Variants in PFKFB2 observed in about 807,000 individuals in gnomAD.
The protein encoded by PFKFB2 is 6-phosphofructo-2-kinase/fructose-2,6-biphosphatase 2, also known as 6-phosphofructo-2-kinase/fructose-2,6-bisphosphatase 2.
Under a neutral mutation model 68.0 loss-of-function variants are expected in PFKFB2, and 53 were observed. The ratio of observed to expected loss-of-function variants is 0.78; its 90% CI spans 0.63 to 0.98. The LOEUF (loss-of-function observed/expected upper bound fraction) is 0.98. Ranked by LOEUF, PFKFB2 falls within the 50% of genes least tolerant of loss-of-function variation. The pLI is 0.00. For missense variants in PFKFB2, 451 were observed against 642.0 expected (o/e 0.70, Z 3.22); for synonymous variants, 222 against 227.6 (o/e 0.98, Z 0.22).
intron 2 of PFKFB2, among the ~76,000 whole-genome samples, chr1:207,057,302 C>CAAAAAAAAAAAA (rs748726221): frequency 1.2e-4 from 5 of 40,390 alleles, no homozygotes; most frequent in Non-Finnish European, 2.0e-4. Context: ...AAAAAAACTA[C>CAAAAAAAAAAAA]AAAAAAAAAA....
chr1:207,050,342 T>G (rs530312345), upstream of PFKFB2, among the ~76,000 whole-genome samples: 4 of 151,928 alleles, frequency 2.6e-5, no homozygotes, highest in Admixed American at 2.6e-4. Flanking sequence ...ATCGGTGATA[T>G]AGGGAAAAAG....
rs1212514620 is a variant in PFKFB2, at chr1:207,076,262, T to C, written c.*3891T>C. 5.1e-6 allele frequency: 5 copies of C among 979,602 alleles called. No individual in the cohort carries two copies. The African/African-American group carries it at 5.3e-5, about 10-fold the overall frequency. The allele number at this position is 979,602 out of a possible 1,614,324, so 60.7% of individuals were successfully genotyped here. On this transcript the variant is annotated 3_prime_UTR_variant, in exon 15 of 15. Coordinates refer to ENST00000367080, the MANE Select transcript of PFKFB2 (RefSeq NM_006212.2). ...TGTTACTTTTTTTTTCTTTTTTTTT[T>C]TTTTTTATGAGCAGGAGATCTTAAT...
At chr1:207,048,267 C>T (rs2054780) in intron 2 of PFKFB2, 18,335 of 152,600 alleles carry the variant, frequency 0.12, 1,192 homozygotes, top group Admixed American at 0.2. Flanking sequence ...ATACATTCTA[C>T]GTTTTATATG....
At chr1:207,042,540 T>A in intron 2 of PFKFB2, among the ~76,000 whole-genome samples, 1 of 70,422 alleles carries the variant, frequency 1.4e-5, no homozygotes, top group Non-Finnish European at 2.6e-5. Context: ...ACAGCAACAC[T>A]CTGTCTCACA....
intron 8 of PFKFB2, among the ~76,000 whole-genome samples, chr1:207,065,544 G>T (rs1054954606): frequency 2.0e-5 from 3 of 151,126 alleles, no homozygotes; most frequent in Non-Finnish European, 2.9e-5. Flanking sequence ...TAAAGATAGA[G>T]TTTCCCCATG....
chr1:207,054,823 G>C, intron 2 of PFKFB2, 21 bp downstream of exon 2: 3 of 1,543,786 alleles, frequency 1.9e-6, no homozygotes, highest in South Asian at 2.3e-5. Context: ...GCAGAGAGGA[G>C]GGACTGCTCT....
In PFKFB2 at chr1:207,045,122, GTA is replaced by G. The variant is rs879818403; in HGVS notation, c.-18+2914_-18+2915del. 39 of 152,394 alleles carry G rather than the reference GTA, an allele frequency of 2.6e-4. No individual in the cohort carries two copies. The Admixed American group carries it at 2.6e-3, about 10-fold the overall frequency. The allele number at this position is 152,394 out of a possible 1,614,324, so 9.4% of individuals were successfully genotyped here. Reference sequence around the variant, plus strand: ...CTTTGGACTTAAAATGATGCCACTTGTATATGACACGTTTAAGGCCTCTGACT... The same window carrying G: ...CTTTGGACTTAAAATGATGCCACTTGTATGACACGTTTAAGGCCTCTGACT... On this transcript the variant is annotated intron_variant, in intron 2 of 5. Coordinates refer to the PFKFB2 transcript ENST00000545806.
At chr1:207,062,173 G>T in intron 3 of PFKFB2, 95 bp downstream of exon 3, 1 of 1,521,970 alleles carries the variant, frequency 6.6e-7, no homozygotes. Context: ...AATGCTATAG[G>T]GTGCTTTTGG....
chr1:207,050,778 C>A (rs568508283), upstream of PFKFB2: 132 of 1,613,320 alleles, frequency 8.2e-5, no homozygotes, highest in Non-Finnish European at 9.7e-5. Context: ...CGCTGACCGC[C>A]GGGGGCGATC....
downstream of PFKFB2, chr1:207,080,708 T>TTTTG (rs985586463): frequency 7.1e-6 from 1 of 139,910 alleles, no homozygotes; most frequent in Non-Finnish European, 1.5e-5. Context: ...TCAGGTTTTT[T>TTTTG]TTTGTTTGTT....
rs556678775 is a variant in PFKFB2, at chr1:207,066,074, T to G, written c.632+914T>G. 2.6e-5 allele frequency among the ~76,000 whole-genome samples: 4 copies of G among 152,358 alleles called. No individual in the cohort carries two copies. In the East Asian group the frequency reaches 7.7e-4, roughly 29 times the overall value. ...CATATTGCATATTTTTATATCTATC[T>G]CTCTCTATATATAACATGCAAAGCC... On this transcript the variant is annotated intron_variant, in intron 8 of 14. Transcript: ENST00000367080.
At chr1:207,079,610 T>C (rs1388070138), downstream of PFKFB2, 2 of 152,666 alleles carry the variant, frequency 1.3e-5, no homozygotes, top group Non-Finnish European at 2.9e-5. Context: ...CCTTTTCATT[T>C]AGAGAAGTTT....
intron 7 of PFKFB2, among the ~76,000 whole-genome samples, chr1:207,064,790 G>A (rs564940794): frequency 2.6e-5 from 4 of 151,008 alleles, no homozygotes; most frequent in South Asian, 2.1e-4. Context: ...CTTTGGCTGC[G>A]TGACTGCCTC....
intron 10 of PFKFB2, among the ~76,000 whole-genome samples, chr1:207,069,040 C>T (rs140513718): frequency 1.1e-4 from 17 of 152,284 alleles, no homozygotes; most frequent in Non-Finnish European, 1.9e-4. Flanking sequence ...CCACCGTGCC[C>T]GGCCGACATT....
At chr1:207,064,162 A>T (rs1263007961) in intron 7 of PFKFB2, among the ~76,000 whole-genome samples, 3 of 152,058 alleles carry the variant, frequency 2.0e-5, no homozygotes, top group Non-Finnish European at 2.9e-5. Context: ...GTTGGAATAG[A>T]TCAGCCGGGC....
intron 2 of PFKFB2, chr1:207,044,449 T>C (rs1178417552): frequency 6.6e-6 from 1 of 152,526 alleles, no homozygotes; most frequent in Non-Finnish European, 1.5e-5. Flanking sequence ...CCTATACCAG[T>C]TTATAAAGTA....
Position 207,075,607 on chromosome 1 carries a change from T to C in PFKFB2, c.*3236T>C. 4 of 985,320 alleles carry C rather than the reference T, an allele frequency of 4.1e-6. No individual in the cohort carries two copies. Among genetic ancestry groups the C allele is most frequent in the Non-Finnish European group, 4.8e-6 (4 of 829,840 alleles). The allele number at this position is 985,320 out of a possible 1,614,324, so 61.0% of individuals were successfully genotyped here. On this transcript the variant is annotated 3_prime_UTR_variant, in exon 15 of 15. Transcript: ENST00000367080. ...GCTGTAAGTTTTGTTTTGTGAGAAA[T>C]AGGTAAAGACATTAGCATTTAATCT...
upstream of PFKFB2, chr1:207,050,959 T>A: frequency 1.3e-6 from 2 of 1,559,418 alleles, no homozygotes; most frequent in Non-Finnish European, 1.7e-6. Flanking sequence ...CGGCAGCCTG[T>A]TGGGAGACGC....
At position 207,062,012 on chromosome 1, in the gene PFKFB2, C is replaced by T. The variant is rs377086278; in HGVS notation, c.145C>T (p.Arg49Trp). The T allele has an allele frequency of 6.8e-6, 11 of 1,614,060 alleles. No individual in the cohort carries two copies. The highest frequency in any genetic ancestry group is 6.7e-5 in the East Asian group (3 of 44,898). ...TLIVMIGLPA[R>W]GKTYVSKKLT... Reference sequence around the variant, plus strand: ...GATCGTTATGATTGGTTTGCCAGCCCGGGGTAAAACCTACGTGTCCAAGAA... The same window carrying T: ...GATCGTTATGATTGGTTTGCCAGCCTGGGGTAAAACCTACGTGTCCAAGAA... The change falls in exon 3 of 15, where the codon CGG becomes TGG. Residue 49 changes from arginine to tryptophan, a missense_variant. By Grantham distance (101) the Arg-to-Trp change is moderately radical (BLOSUM62 -3). Transcript: ENST00000367080.
Sources: allele counts gnomAD v4.1 joint callset (sites outside exome capture counted in the v4.1 genomes callset), GRCh38; gene constraint gnomAD v4.1.1; transcripts MANE v1.5; gene names NCBI Gene and HGNC (gene_info 2026-07-23, HGNC 2026-07-21).